The following TMEM132C variants were observed in gnomAD, a reference collection of about 807,000 sequenced individuals.
TMEM132C encodes protein phosphatase 1, regulatory subunit 152.
A neutral mutation model predicts 61.4 loss-of-function variants in TMEM132C; 29 were observed. The ratio of observed to expected loss-of-function variants is 0.47; its 90% CI spans 0.35 to 0.64. TMEM132C has a LOEUF of 0.64. TMEM132C is among the 30% of genes least tolerant of loss of function. The pLI is 0.00. For missense variants in TMEM132C, 1,408 were observed against 1,476.9 expected (o/e 0.95, Z 0.76); for synonymous variants, 656 against 633.1 (o/e 1.04, Z -0.54).
chr12:128,333,447 G>A (rs879480849), intron 1 of TMEM132C, among the ~76,000 whole-genome samples: 8 of 151,884 alleles, frequency 5.3e-5, no homozygotes, highest in Non-Finnish European at 8.8e-5. Context: ...TTGTTTATGT[G>A]TGTGAGCATT....
intron 1 of TMEM132C, among the ~76,000 whole-genome samples, chr12:128,380,095 T>G (rs1266846559): frequency 6.6e-6 from 1 of 152,260 alleles, no homozygotes; most frequent in Non-Finnish European, 1.5e-5. Flanking sequence ...TGCTCACAAG[T>G]CATCTTTTCT....
At chr12:128,279,406 C>T (rs1318984444) in intron 1 of TMEM132C, among the ~76,000 whole-genome samples, 1 of 152,180 alleles carries the variant, frequency 6.6e-6, no homozygotes, top group Non-Finnish European at 1.5e-5. Flanking sequence ...CATGTTTAAG[C>T]CCTTCTTGAC....
rs775829161 is a variant in TMEM132C, at chr12:128,415,396, C to T, written c.750C>T (p.Asn250=). The T allele has an allele frequency of 4.4e-5, 68 of 1,550,000 alleles. No individual in the cohort carries two copies. The highest frequency in any genetic ancestry group is 1.7e-4 in the Middle Eastern group (1 of 6,010). ...DCAGGDFRKG[N]AIRPGKDGLE... ...CCGGGGGTGACTTCAGGAAGGGCAA[C>T]GCCATCCGTCCAGGAAAGGATGGGC... Residue 250 remains asparagine, a synonymous_variant, in exon 2 of 9, where the codon AAC becomes AAT. Transcript: ENST00000435159. The surrounding 1 kb of genome is among the most constrained non-coding windows in gnomAD (Gnocchi z 5.8).
intron 1 of TMEM132C, among the ~76,000 whole-genome samples, chr12:128,343,022 A>G (rs1873028976): frequency 6.6e-6 from 1 of 152,204 alleles, no homozygotes; most frequent in Non-Finnish European, 1.5e-5. Flanking sequence ...AGATGTAGCA[A>G]ACTGGGATAG....
At chr12:128,469,928 C>T (rs370406755) in intron 2 of TMEM132C, among the ~76,000 whole-genome samples, 2 of 152,124 alleles carry the variant, frequency 1.3e-5, no homozygotes, top group East Asian at 1.9e-4. Context: ...TAAATACATA[C>T]ACATATGTGT....
intron 4 of TMEM132C, among the ~76,000 whole-genome samples, chr12:128,663,296 G>A (rs1010671405): frequency 2.6e-5 from 4 of 152,180 alleles, no homozygotes; most frequent in Non-Finnish European, 4.4e-5. Context: ...TTCTGTCTGC[G>A]GATTTGCCTG....
chr12:128,664,097 C>T (rs73145657), intron 4 of TMEM132C, among the ~76,000 whole-genome samples: 40 of 122,340 alleles, frequency 3.3e-4, no homozygotes, highest in South Asian at 8.2e-4. Flanking sequence ...CCCACACGCA[C>T]GCACACAGGC....
At chr12:128,694,510 C>CT (rs1338977758) in intron 6 of TMEM132C, among the ~76,000 whole-genome samples, 1 of 152,210 alleles carries the variant, frequency 6.6e-6, no homozygotes, top group Admixed American at 6.5e-5. Context: ...TCCGGACTGT[C>CT]TGTCTGTCAC....
Position 128,371,538 on chromosome 12 carries a change from T to C in TMEM132C, c.86-43194T>C, listed in dbSNP as rs546395675. ...TTCCAACTGCTGGAAGTCATCTTTT[T>C]GTTGTTGTTGTTATTTATGTATGTA... On this transcript the variant is annotated intron_variant, in intron 1 of 8. Transcript: ENST00000435159. Among the ~76,000 whole-genome samples, 170 of 152,268 alleles carry C rather than the reference T, an allele frequency of 1.1e-3. 1 individual carries two copies. Among genetic ancestry groups the C allele is most frequent in the African/African-American group, 3.9e-3 (162 of 41,530 alleles).
intron 2 of TMEM132C, among the ~76,000 whole-genome samples, chr12:128,532,170 C>T (rs749237929): frequency 7.2e-5 from 11 of 152,104 alleles, no homozygotes; most frequent in Non-Finnish European, 1.2e-4. Flanking sequence ...TTCATGAACA[C>T]GCAGTTTTTA....
chr12:128,302,392 A>C (rs1308581566), intron 1 of TMEM132C, among the ~76,000 whole-genome samples: 1 of 152,158 alleles, frequency 6.6e-6, no homozygotes, highest in East Asian at 1.9e-4. Flanking sequence ...AGATTACTTG[A>C]CCAATTTTCA....
chr12:128,690,298 TAA>T (rs1954710187), intron 5 of TMEM132C, among the ~76,000 whole-genome samples: 1 of 152,204 alleles, frequency 6.6e-6, no homozygotes, highest in East Asian at 1.9e-4. Context: ...GCCGAGGGAC[TAA>T]AAAGACTCCT....
chr12:128,682,060 A>T (rs965747396), intron 5 of TMEM132C, among the ~76,000 whole-genome samples: 11 of 152,006 alleles, frequency 7.2e-5, no homozygotes, highest in Admixed American at 6.6e-5. Flanking sequence ...GTCTCCTCTG[A>T]TTGCTCCCGC....
intron 2 of TMEM132C, among the ~76,000 whole-genome samples, chr12:128,472,263 C>G (rs559176890): frequency 6.6e-6 from 1 of 152,152 alleles, no homozygotes; most frequent in Non-Finnish European, 1.5e-5. Context: ...CAGCCCCATG[C>G]GTCTTTTCAC....
In TMEM132C at chr12:128,476,352, C is replaced by T. The variant is rs147591623; in HGVS notation, c.974+60732C>T. On this transcript the variant is annotated intron_variant, in intron 2 of 8. Transcript: ENST00000435159. ...ACAGAGAGAAAGGCTGGGGAGACAT[C>T]GTCACATTTCAAAACCTGTGCAATG... Among the ~76,000 whole-genome samples the T allele has an allele frequency of 3.2e-4, 48 of 152,278 alleles. No individual in the cohort carries two copies. In the East Asian group the frequency reaches 8.1e-3, roughly 26 times the overall value.
In TMEM132C at chr12:128,697,561, C is replaced by T. The variant is rs1195092745; in HGVS notation, c.2121+146C>T. On this transcript the variant is annotated intron_variant, in intron 8 of 8. Coordinates refer to ENST00000435159, the MANE Select transcript of TMEM132C (RefSeq NM_001136103.3). ...AAGCCATGTCATTGCAGACAAAGTG[C>T]TCATGTTACCCACATAGCTTTTGAG... 1.4e-5 allele frequency: 12 copies of T among 856,590 alleles called. No homozygotes were observed. The African/African-American group carries it at 1.9e-4, about 13-fold the overall frequency. 53.1% of individuals were successfully genotyped at this position (856,590 alleles called of 1,614,324 possible).
intron 5 of TMEM132C, among the ~76,000 whole-genome samples, chr12:128,692,302 GC>G (rs1461843601): frequency 6.6e-6 from 1 of 152,202 alleles, no homozygotes; most frequent in African/African-American, 2.4e-5. Context: ...ATTCATCCAT[GC>G]AATGTCCATT....
rs573870566 is a variant in TMEM132C at position 128,363,629 on chromosome 12, G to A, written c.86-51103G>A. Among the ~76,000 whole-genome samples the A allele has an allele frequency of 7.2e-5, 11 of 152,176 alleles. No homozygotes were observed. The East Asian group carries it at 1.9e-3, about 27-fold the overall frequency. On this transcript the variant is annotated intron_variant, in intron 1 of 8. Coordinates refer to ENST00000435159, the MANE Select transcript of TMEM132C (RefSeq NM_001136103.3). Reference sequence around the variant, plus strand: ...TTGGGAGGCTGAGGGGGCGGATCACGAGGTCAAGAGTTCGAGACCAGGCTG... The same window carrying A: ...TTGGGAGGCTGAGGGGGCGGATCACAAGGTCAAGAGTTCGAGACCAGGCTG...
At chr12:128,506,490 T>C (rs1187262477) in intron 2 of TMEM132C, among the ~76,000 whole-genome samples, 1 of 152,098 alleles carries the variant, frequency 6.6e-6, no homozygotes, top group Non-Finnish European at 1.5e-5. Flanking sequence ...CTCCAAGACT[T>C]GGACATAGGA....
Sources: allele counts gnomAD v4.1 joint callset (sites outside exome capture counted in the v4.1 genomes callset), GRCh38; gene constraint gnomAD v4.1.1; non-coding constraint Gnocchi (gnomAD v3.1); transcripts MANE v1.5; gene names NCBI Gene and HGNC (gene_info 2026-07-23, HGNC 2026-07-21).